BICD1: variants seen among roughly 807,000 people sequenced by gnomAD.
BICD1 encodes BICD cargo adaptor 1.
In BICD1, 35 loss-of-function variants were observed where a neutral mutation model predicts 92.5. That is an observed-to-expected ratio of 0.38 (90% CI 0.29 to 0.50). BICD1 has a LOEUF of 0.50. BICD1 is among the 20% of genes least tolerant of loss of function. The pLI is 0.93. For synonymous variants in BICD1, 429 were observed against 465.1 expected (o/e 0.92, Z 1.00); for missense variants, 950 against 1,189.8 (o/e 0.80, Z 2.97).
At chr12:32,300,301 C>T (rs1947999573) in intron 3 of BICD1, among the ~76,000 whole-genome samples, 1 of 151,990 alleles carries the variant, frequency 6.6e-6, no homozygotes, top group Admixed American at 6.6e-5. Flanking sequence ...GACGGTGTTT[C>T]ACCGTGTTAG....
intron 8 of BICD1, among the ~76,000 whole-genome samples, chr12:32,366,271 C>T (rs558611008): frequency 6.6e-6 from 1 of 152,270 alleles, no homozygotes; most frequent in Non-Finnish European, 1.5e-5. Flanking sequence ...AGTAGAGCCT[C>T]GTTAAGGCTA....
At chr12:32,129,724 C>G (rs574084200) in intron 1 of BICD1, among the ~76,000 whole-genome samples, 2 of 152,036 alleles carry the variant, frequency 1.3e-5, no homozygotes, top group South Asian at 4.2e-4. Context: ...CTTTCTTAAC[C>G]CTGTACCCTT....
At chr12:32,181,172 C>A (rs1376382733) in intron 1 of BICD1, among the ~76,000 whole-genome samples, 1 of 151,748 alleles carries the variant, frequency 6.6e-6, no homozygotes, top group Non-Finnish European at 1.5e-5. Flanking sequence ...GTAACCCCAG[C>A]AGTTTGGGAG....
At chr12:32,166,070 T>C (rs1205270889) in intron 1 of BICD1, among the ~76,000 whole-genome samples, 1 of 152,146 alleles carries the variant, frequency 6.6e-6, no homozygotes, top group African/African-American at 2.4e-5. Context: ...GCTGTTTTAC[T>C]CCTTCTCCCT....
intron 4 of BICD1, among the ~76,000 whole-genome samples, chr12:32,321,268 G>A (rs1009271594): frequency 1.3e-5 from 2 of 152,158 alleles, no homozygotes; most frequent in Non-Finnish European, 2.9e-5. Context: ...AGAGGTTGCA[G>A]TGATCCAAGA....
At chr12:32,312,313 C>T (rs920942748) in intron 4 of BICD1, among the ~76,000 whole-genome samples, 15 of 152,190 alleles carry the variant, frequency 9.9e-5, no homozygotes, top group Non-Finnish European at 1.5e-5. Flanking sequence ...TAAATAGCAC[C>T]TCCTGGAGTT....
intron 1 of BICD1, among the ~76,000 whole-genome samples, chr12:32,190,441 A>AGTG: frequency 6.6e-6 from 1 of 152,366 alleles, no homozygotes; most frequent in African/African-American, 2.4e-5. Context: ...AGAGAGCAGG[A>AGTG]GTGGCTTTAT....
chr12:32,323,413 TCA>T (rs1948703726), intron 4 of BICD1, among the ~76,000 whole-genome samples: 1 of 152,198 alleles, frequency 6.6e-6, no homozygotes, highest in Non-Finnish European at 1.5e-5. Flanking sequence ...ACTCACTTCA[TCA>T]TCAAAATTCC....
rs34913740 is a variant in BICD1, at chr12:32,288,223, A to ATTTTTTTTTTT, written c.427-5757_427-5747dup. Reference sequence around the variant, plus strand: ...CTTACCTGTCACCTACCAAGTCCTAATTTTTTTTTTTTTTTTTTTTTTTTC... The same window carrying ATTTTTTTTTTT: ...CTTACCTGTCACCTACCAAGTCCTAATTTTTTTTTTTTTTTTTTTTTTTTTTTTTTTTTTTC... On this transcript the variant is annotated intron_variant, in intron 2 of 9. Coordinates refer to ENST00000652176, the MANE Select transcript of BICD1 (RefSeq NM_001714.4). Among the ~76,000 whole-genome samples the ATTTTTTTTTTT allele has an allele frequency of 2.9e-3, 319 of 109,468 alleles. 8 individuals are homozygous for ATTTTTTTTTTT. The highest frequency in any genetic ancestry group is 0.011 in the African/African-American group (309 of 27,166). The allele number at this position is 109,468 out of a possible 152,430, so 71.8% of individuals were successfully genotyped here.
chr12:32,338,755 C>T (rs1264581877), intron 7 of BICD1, 31 bp from the exon 8 acceptor site: 1 of 1,541,946 alleles, frequency 6.5e-7, no homozygotes, highest in African/African-American at 1.4e-5. Flanking sequence ...TTTTTGTTTC[C>T]TATATGTATT....
intron 2 of BICD1, among the ~76,000 whole-genome samples, chr12:32,217,037 C>A (rs1411437780): frequency 1.3e-5 from 2 of 152,164 alleles, no homozygotes; most frequent in Admixed American, 6.5e-5. Flanking sequence ...ACTCAGTATT[C>A]CTTGTTAGCT....
intron 1 of BICD1, among the ~76,000 whole-genome samples, chr12:32,138,748 G>C (rs144425076): frequency 6.6e-6 from 1 of 152,060 alleles, no homozygotes; most frequent in Admixed American, 6.6e-5. Flanking sequence ...TAGGTTAGGC[G>C]TATTAAATGT....
At chr12:32,310,207 T>C (rs1039061851) in intron 4 of BICD1, among the ~76,000 whole-genome samples, 9 of 152,178 alleles carry the variant, frequency 5.9e-5, no homozygotes, top group African/African-American at 1.7e-4. Context: ...ATGTATTGTA[T>C]TGAAAATAAA....
rs1945491185 is a variant in BICD1, at chr12:32,220,710, GAAATACCATTTGACCCA to G, written c.426+4252_426+4268del. Among the ~76,000 whole-genome samples the G allele has an allele frequency of 2.0e-5, 3 of 147,938 alleles. 1 individual carries two copies. The South Asian group carries it at 6.8e-4, about 33-fold the overall frequency. On this transcript the variant is annotated intron_variant, in intron 2 of 9. Transcript: ENST00000652176. ...GCGATTCCTCAGGGATCTAGAACTA[GAAATACCATTTGACCCA>G]GCCATCCCATTACTGGGTATATACC...
chr12:32,244,014 C>G (rs556878085), intron 2 of BICD1, among the ~76,000 whole-genome samples: 2 of 146,612 alleles, frequency 1.4e-5, no homozygotes, highest in South Asian at 4.1e-4. Context: ...CTTATTCAAA[C>G]TTACCAGTGG....
At chr12:32,221,066 G>T (rs1218194520) in intron 2 of BICD1, among the ~76,000 whole-genome samples, 2 of 142,308 alleles carry the variant, frequency 1.4e-5, no homozygotes, top group African/African-American at 5.3e-5. Context: ...GACACAGGAA[G>T]GGGAACATCA....
intron 1 of BICD1, 117 bp downstream of exon 1, chr12:32,107,661 G>T: frequency 8.9e-7 from 1 of 1,127,824 alleles, no homozygotes; most frequent in South Asian, 1.3e-5. Flanking sequence ...TTTTCTTCTA[G>T]GGCCCTTTGT....
chr12:32,229,575 A>C (rs190795081), intron 2 of BICD1, among the ~76,000 whole-genome samples: 1 of 152,346 alleles, frequency 6.6e-6, no homozygotes, highest in East Asian at 1.9e-4. Flanking sequence ...CATTGGGTTT[A>C]CGAACAAGGG....
chr12:32,286,295 C>A (rs1282367503), intron 2 of BICD1, among the ~76,000 whole-genome samples: 1 of 152,016 alleles, frequency 6.6e-6, no homozygotes, highest in African/African-American at 2.4e-5. Context: ...TAACATTTTT[C>A]TTTACAATTT....
Sources: allele counts gnomAD v4.1 joint callset (sites outside exome capture counted in the v4.1 genomes callset), GRCh38; gene constraint gnomAD v4.1.1; transcripts MANE v1.5; gene names NCBI Gene and HGNC (gene_info 2026-07-23, HGNC 2026-07-21).